Variants in PM20D1 observed in about 807,000 individuals in gnomAD.
PM20D1 encodes peptidase M20 domain containing 1, also known as N-fatty-acyl-amino acid synthase/hydrolase PM20D1.
PM20D1 carries 53 observed loss-of-function variants against 53.8 expected under a neutral mutation model. That is an observed-to-expected ratio of 0.98 (90% CI 0.79 to 1.24). PM20D1 has a LOEUF of 1.24. Ranked by LOEUF, PM20D1 falls within the 50% of genes most tolerant of loss-of-function variation. PM20D1 has a pLI of 0.00. For synonymous variants in PM20D1, 239 were observed against 241.3 expected, an observed-to-expected ratio of 0.99 and a Z score of 0.09; for missense variants, 564 against 616.8, an observed-to-expected ratio of 0.91 and a Z score of 0.91.
At chr1:205,840,346 C>G (rs1656779004) in intron 9 of PM20D1, 23 bp from the exon 10 acceptor site, 2 of 1,606,414 alleles carry the variant, frequency 1.2e-6, no homozygotes, top group Admixed American at 1.7e-5. Flanking sequence ...GCACAAAACC[C>G]TGGCTTGAGT....
intron 12 of PM20D1, among the ~76,000 whole-genome samples, chr1:205,829,487 T>A (rs1656510920): frequency 6.6e-6 from 1 of 152,112 alleles, no homozygotes; most frequent in Non-Finnish European, 1.5e-5. Flanking sequence ...CTAGAAACTT[T>A]ACTATCAGAC....
intron 11 of PM20D1, 89 bp from the exon 12 acceptor site, chr1:205,830,468 G>T: frequency 1.1e-6 from 1 of 874,734 alleles, no homozygotes; most frequent in South Asian, 1.4e-5. Context: ...GGAAAATCAG[G>T]ACTACTGGAT....
intron 10 of PM20D1, among the ~76,000 whole-genome samples, chr1:205,838,479 T>C (rs1411373892): frequency 6.6e-6 from 1 of 152,220 alleles, no homozygotes; most frequent in African/African-American, 2.4e-5. Flanking sequence ...CTCTTCATTA[T>C]AGCACTCATC....
chr1:205,844,310 C>A, intron 4 of PM20D1, 93 bp from the exon 5 acceptor site: 2 of 1,378,678 alleles, frequency 1.5e-6, no homozygotes, highest in Non-Finnish European at 1.9e-6. Flanking sequence ...TAGCTAGGGG[C>A]TCCAGAACCT....
At chr1:205,843,568 C>T (rs750651796) in intron 6 of PM20D1, 99 bp downstream of exon 6, 125 of 1,495,498 alleles carry the variant, frequency 8.4e-5, no homozygotes, top group Non-Finnish European at 1.1e-4. Flanking sequence ...CCCAGCCCAA[C>T]TTTAGGGCAG....
chr1:205,839,408 A>G (rs1437418639), intron 10 of PM20D1, among the ~76,000 whole-genome samples: 1 of 152,206 alleles, frequency 6.6e-6, no homozygotes, highest in Non-Finnish European at 1.5e-5. Context: ...TAAAAGCACA[A>G]ACTCTGGAAC....
chr1:205,833,880 C>G (rs2102523949), intron 10 of PM20D1, among the ~76,000 whole-genome samples: 1 of 151,990 alleles, frequency 6.6e-6, no homozygotes, highest in East Asian at 1.9e-4. Flanking sequence ...CAGAATCTCA[C>G]TCTGTCGCCC....
At position 205,842,649 on chromosome 1, in the gene PM20D1, A is replaced by G. The variant is rs144708693; in HGVS notation, c.903+27T>C. ...GTCCGTCTTTTGTTCCTAGCTGATT[A>G]GGAGTATGTGATACTTCTTCCCATA... On this transcript the variant is annotated intron_variant, in intron 7 of 12. Transcript: ENST00000367136. 24 of 1,606,630 alleles carry G rather than the reference A, an allele frequency of 1.5e-5. No individual in the cohort carries two copies. In the Middle Eastern group the frequency reaches 9.9e-4, roughly 67 times the overall value.
At position 205,844,070 on chromosome 1, in the gene PM20D1, T is replaced by A; in HGVS notation, c.707+17A>T. The A allele has an allele frequency of 6.3e-7, 1 of 1,599,666 alleles. No individual in the cohort carries two copies. The highest frequency in any genetic ancestry group is 8.5e-7 in the Non-Finnish European group (1 of 1,172,534). The stretch of plus-strand genomic sequence containing the variant: ...TGAGAATTCCCTCCAAGGTGTGGGG[T>A]GGGATGCTTTACTCACAAGGCGATG... On this transcript the variant is annotated intron_variant, in intron 5 of 12. Coordinates refer to ENST00000367136, the MANE Select transcript of PM20D1 (RefSeq NM_152491.5).
chr1:205,841,675 C>T (rs1318191092), intron 9 of PM20D1, 136 bp downstream of exon 9: 1 of 861,164 alleles, frequency 1.2e-6, no homozygotes, highest in Non-Finnish European at 1.9e-6. Flanking sequence ...TTCAGAAAGG[C>T]CTATGTCTTT....
intron 9 of PM20D1, among the ~76,000 whole-genome samples, chr1:205,841,491 A>G (rs1182609123): frequency 6.6e-6 from 1 of 152,164 alleles, no homozygotes; most frequent in Non-Finnish European, 1.5e-5. Context: ...ACTACAGCTG[A>G]CACACTGGAC....
chr1:205,849,587 T>C (rs1435118535), intron 1 of PM20D1, among the ~76,000 whole-genome samples: 1 of 152,130 alleles, frequency 6.6e-6, no homozygotes, highest in Non-Finnish European at 1.5e-5. Context: ...AAAATTGATG[T>C]ACAAATGAAA....
intron 3 of PM20D1, among the ~76,000 whole-genome samples, 181 bp downstream of exon 3, chr1:205,845,144 C>G (rs879826955): frequency 6.6e-6 from 1 of 152,094 alleles, no homozygotes; most frequent in Non-Finnish European, 1.5e-5. Flanking sequence ...CCATTCAATC[C>G]CATTTACAGC....
chr1:205,849,911 C>G lies in PM20D1; in HGVS notation c.162G>C (p.Ala54=), dbSNP rs11540016. The G allele has an allele frequency of 6.2e-7, 1 of 1,611,278 alleles. No individual in the cohort carries two copies. The stretch of plus-strand genomic sequence containing the variant: ...AAGGGGACCCGGGTTCACCTTTCAG[C>G]GCCTCTTTCATCGCGACGCGTTCCT... ...SKEERVAMKE[A]LKGAIQIPTV... The change falls in exon 1 of 13, where the codon GCG becomes GCC. Residue 54 remains alanine (A), a synonymous_variant. Coordinates refer to ENST00000367136, the MANE Select transcript of PM20D1 (RefSeq NM_152491.5).
At chr1:205,844,302 G>C in intron 4 of PM20D1, 85 bp from the exon 5 acceptor site, 2 of 1,421,948 alleles carry the variant, frequency 1.4e-6, no homozygotes, top group Non-Finnish European at 1.9e-6. Flanking sequence ...ATTCAGCCTA[G>C]CTAGGGGCTC....
intron 3 of PM20D1, 74 bp downstream of exon 3, chr1:205,845,251 C>T: frequency 6.9e-7 from 1 of 1,447,910 alleles, no homozygotes; most frequent in Non-Finnish European, 9.7e-7. Context: ...CTCCCACCTC[C>T]CAGGGTCAGC....
At chr1:205,839,714 C>A (rs1364603061) in intron 10 of PM20D1, among the ~76,000 whole-genome samples, 2 of 151,562 alleles carry the variant, frequency 1.3e-5, no homozygotes, top group Non-Finnish European at 2.9e-5. Context: ...TACAAAAATA[C>A]AAAGTACAAA....
intron 4 of PM20D1, 41 bp from the exon 5 acceptor site, chr1:205,844,258 G>C (rs1347436917): frequency 6.4e-7 from 1 of 1,553,714 alleles, no homozygotes; most frequent in Admixed American, 1.9e-5. Context: ...TTCTCAGCCA[G>C]AGACAGACCT....
In PM20D1 at chr1:205,842,226, A is replaced by G. The variant is rs1379858651; in HGVS notation, c.904-11T>C. The G allele has an allele frequency of 6.2e-7, 1 of 1,611,116 alleles. No homozygotes were observed. Among genetic ancestry groups the G allele is most frequent in the Non-Finnish European group, 8.5e-7 (1 of 1,177,418 alleles). ...GACAGGGAAGGGAAACTGGGAAAGAACAAGGTCAGCACCACAGGGTCACCT... is the reference window on the plus strand; with the variant it reads ...GACAGGGAAGGGAAACTGGGAAAGAGCAAGGTCAGCACCACAGGGTCACCT... On this transcript the variant is annotated splice_polypyrimidine_tract_variant and intron_variant, in intron 7 of 12. Transcript: ENST00000367136.
Sources: gnomAD v4.1 joint callset for allele counts (sites outside exome capture counted in the v4.1 genomes callset) on GRCh38, gnomAD v4.1.1 for gene constraint, MANE v1.5 for transcripts, NCBI Gene and HGNC (gene_info 2026-07-23, HGNC 2026-07-21) for gene names.